KIAA0825: variants seen among roughly 807,000 people sequenced by gnomAD.
KIAA0825 encodes KIAA0825, also known as uncharacterized protein KIAA0825.
Under a neutral mutation model 147.6 loss-of-function variants are expected in KIAA0825, and 119 were observed. The observed-to-expected ratio is 0.81, with a 90% CI of 0.69 to 0.94. KIAA0825 has a LOEUF of 0.94. Ranked by LOEUF, KIAA0825 falls within the 40% of genes least tolerant of loss-of-function variation. KIAA0825 has a pLI of 0.00. For synonymous variants in KIAA0825, 470 were observed against 518.1 expected, an observed-to-expected ratio of 0.91 and a Z score of 1.26; for missense variants, 1,381 against 1,472.7, an observed-to-expected ratio of 0.94 and a Z score of 1.02.
At chr5:94,476,596 A>G (rs1009590399) in intron 7 of KIAA0825, among the ~76,000 whole-genome samples, 1 of 152,146 alleles carries the variant, frequency 6.6e-6, no homozygotes, top group East Asian at 1.9e-4. Flanking sequence ...TGCTCCATCA[A>G]TGCCTTCCAT....
At chr5:94,168,850 T>C (rs1042107224) in intron 20 of KIAA0825, among the ~76,000 whole-genome samples, 14 of 152,222 alleles carry the variant, frequency 9.2e-5, no homozygotes, top group Non-Finnish European at 1.8e-4. Flanking sequence ...TTGATATATC[T>C]GGAAATTTTC....
intron 3 of KIAA0825, among the ~76,000 whole-genome samples, chr5:94,533,435 C>A (rs1449238399): frequency 2.6e-5 from 4 of 151,886 alleles, no homozygotes; most frequent in South Asian, 2.1e-4. Context: ...CACCACCACG[C>A]CCGGCTGATT....
intron 20 of KIAA0825, among the ~76,000 whole-genome samples, chr5:94,364,994 C>T (rs1184413588): frequency 2.6e-5 from 4 of 152,082 alleles, no homozygotes; most frequent in South Asian, 2.1e-4. Flanking sequence ...TGCCAAACTA[C>T]GTGTACAGTA....
At chr5:94,531,579 G>C (rs1045584349) in intron 3 of KIAA0825, among the ~76,000 whole-genome samples, 5 of 152,178 alleles carry the variant, frequency 3.3e-5, no homozygotes, top group Admixed American at 2.6e-4. Context: ...GAGAGAACAA[G>C]GGTGCTGGAA....
At chr5:94,586,046 A>G (rs1168606005) in intron 1 of KIAA0825, among the ~76,000 whole-genome samples, 1 of 152,224 alleles carries the variant, frequency 6.6e-6, no homozygotes, top group African/African-American at 2.4e-5. Flanking sequence ...AACAGTGTGT[A>G]GTGGGAAATT....
At chr5:94,519,644 G>T (rs2151204183) in intron 5 of KIAA0825, 1 of 638,442 alleles carries the variant, frequency 1.6e-6, no homozygotes, top group African/African-American at 2.0e-5. Flanking sequence ...CTACAATACA[G>T]AATTTTATAA....
intron 20 of KIAA0825, among the ~76,000 whole-genome samples, chr5:94,372,627 C>G (rs773148692): frequency 6.6e-6 from 1 of 152,166 alleles, no homozygotes; most frequent in Non-Finnish European, 1.5e-5. Context: ...AGGAGGGGGG[C>G]CCTGGGCCCA....
intron 15 of KIAA0825, among the ~76,000 whole-genome samples, chr5:94,411,501 A>G (rs1319074482): frequency 6.6e-6 from 1 of 152,200 alleles, no homozygotes; most frequent in Non-Finnish European, 1.5e-5. Flanking sequence ...GAAAAATAAG[A>G]ACCTCAACAT....
chr5:94,433,636 T>C (rs1435030234), intron 14 of KIAA0825, among the ~76,000 whole-genome samples: 2 of 152,228 alleles, frequency 1.3e-5, no homozygotes, highest in East Asian at 3.8e-4. Flanking sequence ...AACTTGGATT[T>C]CTCTGTGTTT....
In KIAA0825 at chr5:94,547,670, G is replaced by C. The variant is rs561377038; in HGVS notation, c.-1-10543C>G. ...GAGAATCACTTGAACCCGGGAGGCG[G>C]AGGTTGCAGTGAGCCAAGATTGAGC... On this transcript the variant is annotated intron_variant, in intron 2 of 20. Coordinates refer to ENST00000682413, the MANE Select transcript of KIAA0825 (RefSeq NM_001145678.3). Among the ~76,000 whole-genome samples the C allele has an allele frequency of 1.8e-4, 27 of 147,434 alleles. No individual in the cohort carries two copies. In the South Asian group the frequency reaches 5.5e-3, roughly 30 times the overall value.
chr5:94,508,128 T>G (rs1292486464), intron 5 of KIAA0825, among the ~76,000 whole-genome samples: 1 of 148,972 alleles, frequency 6.7e-6, no homozygotes, highest in Non-Finnish European at 1.5e-5. Flanking sequence ...CACTGTGGTA[T>G]GCAATTTTTT....
chr5:94,358,167 AT>A (rs1216543381), intron 20 of KIAA0825, among the ~76,000 whole-genome samples: 1 of 152,214 alleles, frequency 6.6e-6, no homozygotes, highest in Non-Finnish European at 1.5e-5. Context: ...GTTGGCCGGT[AT>A]TCTTACAGCT....
At chr5:94,391,226 C>T (rs1219030283) in intron 18 of KIAA0825, among the ~76,000 whole-genome samples, 2 of 152,322 alleles carry the variant, frequency 1.3e-5, no homozygotes, top group Middle Eastern at 3.4e-3. Context: ...ATTTTAACAT[C>T]AGCTTAACAG....
intron 20 of KIAA0825, among the ~76,000 whole-genome samples, chr5:94,321,326 C>T (rs1013323142): frequency 6.6e-6 from 1 of 151,922 alleles, no homozygotes; most frequent in Non-Finnish European, 1.5e-5. Flanking sequence ...ATAAAATTAT[C>T]TTTAAATATA....
At chr5:94,402,222 T>C (rs1751472165) in intron 16 of KIAA0825, among the ~76,000 whole-genome samples, 1 of 152,164 alleles carries the variant, frequency 6.6e-6, no homozygotes, top group African/African-American at 2.4e-5. Flanking sequence ...AGAGGCTCTT[T>C]GCAATGGTAT....
At chr5:94,607,079 ACT>A (rs1787622361) in intron 1 of KIAA0825, among the ~76,000 whole-genome samples, 1 of 152,118 alleles carries the variant, frequency 6.6e-6, no homozygotes, top group South Asian at 2.1e-4. Flanking sequence ...CAACCACTAG[ACT>A]ATATAATCTT....
At chr5:94,247,999 G>T (rs1172632688) in intron 20 of KIAA0825, among the ~76,000 whole-genome samples, 2 of 152,176 alleles carry the variant, frequency 1.3e-5, no homozygotes, top group Middle Eastern at 3.4e-3. Context: ...TGGAATTCAT[G>T]ATCTCACTAC....
chr5:94,393,899 A>G (rs989017174), intron 17 of KIAA0825, among the ~76,000 whole-genome samples: 24 of 149,142 alleles, frequency 1.6e-4, no homozygotes, highest in Non-Finnish European at 1.0e-4. Flanking sequence ...CCCAGGCTGG[A>G]GTGCAATGGC....
chr5:94,449,809 T>C (rs1445225217), intron 13 of KIAA0825, among the ~76,000 whole-genome samples: 4 of 152,206 alleles, frequency 2.6e-5, no homozygotes, highest in Admixed American at 1.3e-4. Flanking sequence ...CCGGGCACAG[T>C]GGGTCATGCC....
Sources: allele counts gnomAD v4.1 joint callset (sites outside exome capture counted in the v4.1 genomes callset), GRCh38; gene constraint gnomAD v4.1.1; transcripts MANE v1.5; gene names NCBI Gene and HGNC (gene_info 2026-07-23, HGNC 2026-07-21).